The following DCX variants were observed in gnomAD, a reference collection of about 807,000 sequenced individuals.
DCX encodes doublecortin.
DCX carries 4 observed loss-of-function variants against 20.9 expected under a neutral mutation model. The observed-to-expected ratio is 0.19, with a 90% confidence interval of 0.09 to 0.44. The LOEUF (loss-of-function observed/expected upper bound fraction) is 0.44, where lower values mean the gene tolerates loss of function less well. DCX is among the 20% of genes least tolerant of loss of function. DCX has a pLI of 0.99. For missense variants in DCX, 133 were observed against 296.9 expected, an observed-to-expected ratio of 0.45 and a Z score of 4.06; for synonymous variants, 103 against 111.4, an observed-to-expected ratio of 0.92 and a Z score of 0.47.
intron 3 of DCX, among the ~76,000 whole-genome samples, chrX:111,341,069 A>G (rs1487549541): frequency 9.0e-6 from 1 of 110,799 alleles, no homozygotes; most frequent in Non-Finnish European, 1.9e-5. Context: ...TAATGAAAAA[A>G]CTATGCTGAG....
chrX:111,338,790 G>A (rs1197069267), intron 3 of DCX, among the ~76,000 whole-genome samples: 1 of 107,425 alleles, frequency 9.3e-6, no homozygotes, highest in Non-Finnish European at 1.9e-5. Context: ...ACATTTGTAT[G>A]GTATTTTTAC....
chrX:111,305,184 A>G (rs971596663), intron 6 of DCX, among the ~76,000 whole-genome samples: 2 of 112,110 alleles, frequency 1.8e-5, no homozygotes, highest in Non-Finnish European at 3.8e-5. Flanking sequence ...AATACTAAAG[A>G]GAATCATCCA....
chrX:111,305,355 TA>T (rs2095042842), intron 6 of DCX, among the ~76,000 whole-genome samples: 1 of 112,358 alleles, frequency 8.9e-6, no homozygotes, highest in Non-Finnish European at 1.9e-5. Flanking sequence ...GTTTGCAACA[TA>T]ATGTTATGGG....
chrX:111,342,075 C>G (rs771015770), intron 3 of DCX, among the ~76,000 whole-genome samples: 2 of 106,299 alleles, frequency 1.9e-5, no homozygotes, highest in African/African-American at 6.8e-5. Flanking sequence ...AAACAACAGA[C>G]TGGAAAATTG....
chrX:111,316,548 T>C (rs2095072834), intron 5 of DCX, among the ~76,000 whole-genome samples: 1 of 111,596 alleles, frequency 9.0e-6, no homozygotes, highest in Non-Finnish European at 1.9e-5. Context: ...ACCACTCTTA[T>C]TCAACATAGT....
At chrX:111,307,489 T>C (rs1421030129) in intron 6 of DCX, among the ~76,000 whole-genome samples, 2 of 111,274 alleles carry the variant, frequency 1.8e-5, no homozygotes, top group Non-Finnish European at 3.8e-5. Context: ...CACTGTAATA[T>C]AAAAAGCACA....
At chrX:111,342,339 TTATATATATATATATATATA>T (rs60045433) in intron 3 of DCX, among the ~76,000 whole-genome samples, 49 of 20,739 alleles carry the variant, frequency 2.4e-3, no homozygotes, top group Middle Eastern at 0.034. Flanking sequence ...GAGCTAACTA[TTATATATATATATATATATA>T]TATATATATA....
intron 6 of DCX, among the ~76,000 whole-genome samples, chrX:111,303,520 G>T (rs2095038644): frequency 9.0e-6 from 1 of 111,573 alleles, no homozygotes; most frequent in Non-Finnish European, 1.9e-5. Flanking sequence ...ATCTAACATT[G>T]AAAATGCTTT....
intron 3 of DCX, among the ~76,000 whole-genome samples, chrX:111,337,258 G>C (rs1330103790): frequency 9.0e-6 from 1 of 111,663 alleles, no homozygotes; most frequent in Non-Finnish European, 1.9e-5. Context: ...AATCATACTT[G>C]GATTTTTAAG....
chrX:111,380,714 G>C (rs763092369), intron 3 of DCX, among the ~76,000 whole-genome samples: 2 of 110,021 alleles, frequency 1.8e-5, no homozygotes, highest in African/African-American at 3.3e-5. Flanking sequence ...ATTTTCATAG[G>C]AATTTCATTG....
intron 2 of DCX, among the ~76,000 whole-genome samples, chrX:111,407,558 A>G (rs1569498089): frequency 9.0e-6 from 1 of 111,428 alleles, no homozygotes; most frequent in Non-Finnish European, 1.9e-5. Flanking sequence ...ATTGAGGTCC[A>G]CTGTGCCTTG....
intron 6 of DCX, among the ~76,000 whole-genome samples, chrX:111,310,973 C>A (rs985957193): frequency 4.5e-5 from 5 of 112,044 alleles, no homozygotes; most frequent in African/African-American, 1.6e-4. Flanking sequence ...GTCCAAGCTG[C>A]CTTCACACTT....
chrX:111,348,147 A>G (rs988704015), intron 3 of DCX, among the ~76,000 whole-genome samples: 1 of 111,971 alleles, frequency 8.9e-6, no homozygotes, highest in African/African-American at 3.3e-5. Context: ...CAGAGCTGAT[A>G]CTAGAACTCA....
At chrX:111,407,033 C>T (rs1295776032) in intron 2 of DCX, among the ~76,000 whole-genome samples, 1 of 111,865 alleles carries the variant, frequency 8.9e-6, no homozygotes, top group Non-Finnish European at 1.9e-5. Context: ...AACCTATGAT[C>T]ATGTAGCTAA....
rs149495971 is a variant in DCX, at chrX:111,330,994, C to A, written c.856G>T (p.Ala286Ser). Residue 286 changes from alanine (A) to serine (S), a missense_variant, in exon 5 of 7, where the codon GCA becomes TCA. By Grantham distance (99) the Ala-to-Ser change is moderately conservative. Coordinates refer to ENST00000636035, the MANE Select transcript of DCX (RefSeq NM_001195553.2). ...GNPSATAGPK[A>S]SPTPQKTSAK... The stretch of plus-strand genomic sequence containing the variant: ...GAAGTCTTCTGAGGTGTTGGGGATG[C>A]CTTTGGGCCAGCTGTGGCTGATGGG... 587 of 1,210,214 alleles carry A rather than the reference C, an allele frequency of 4.9e-4. No homozygotes were observed. Among genetic ancestry groups the A allele is most frequent in the Non-Finnish European group, 5.6e-4 (504 of 895,208 alleles).
At chrX:111,302,424 T>C (rs955954384) in intron 6 of DCX, among the ~76,000 whole-genome samples, 4 of 111,618 alleles carry the variant, frequency 3.6e-5, no homozygotes, top group African/African-American at 1.3e-4. Flanking sequence ...ACTGTACAAG[T>C]TTTTGTGTGA....
intron 3 of DCX, among the ~76,000 whole-genome samples, chrX:111,390,350 A>G (rs1235151049): frequency 1.8e-5 from 2 of 111,936 alleles, no homozygotes; most frequent in Non-Finnish European, 3.8e-5. Context: ...TCTTAAACAG[A>G]GAATCTAGTC....
At chrX:111,317,960 G>A (rs1487835787) in intron 5 of DCX, among the ~76,000 whole-genome samples, 1 of 110,381 alleles carries the variant, frequency 9.1e-6, no homozygotes, top group Non-Finnish European at 1.9e-5. Flanking sequence ...GCTGAGGCAG[G>A]CTGATCACAA....
intron 3 of DCX, among the ~76,000 whole-genome samples, chrX:111,392,169 T>C (rs746269907): frequency 9.0e-6 from 1 of 111,626 alleles, no homozygotes; most frequent in African/African-American, 3.2e-5. Context: ...AATATCTACA[T>C]AGAAAAAAAA....
Sources: gnomAD v4.1 joint callset for allele counts (sites outside exome capture counted in the v4.1 genomes callset) on GRCh38, gnomAD v4.1.1 for gene constraint, MANE v1.5 for transcripts, NCBI Gene and HGNC (gene_info 2026-07-23, HGNC 2026-07-21) for gene names.